Variants in FOXN3 observed in about 807,000 individuals in gnomAD.
The protein encoded by FOXN3 is forkhead box N3.
Under a neutral mutation model 38.4 loss-of-function variants are expected in FOXN3, and 7 were observed. The observed-to-expected ratio is 0.18, with a 90% CI of 0.10 to 0.34. FOXN3 has a LOEUF of 0.34. FOXN3 is among the 10% of genes least tolerant of loss of function. The pLI is 1.00. For synonymous variants in FOXN3, 230 were observed against 242.2 expected (o/e 0.95, Z 0.47); for missense variants, 456 against 613.4 (o/e 0.74, Z 2.71).
At position 89,199,219 on chromosome 14, in the gene FOXN3, C is replaced by T. The variant is rs1296226642; in HGVS notation, c.746-18413G>A. Among the ~76,000 whole-genome samples the T allele has an allele frequency of 2.0e-5, 3 of 152,130 alleles. No individual in the cohort carries two copies. The East Asian group carries it at 5.8e-4, about 29-fold the overall frequency. On this transcript the variant is annotated intron_variant, in intron 4 of 5. Transcript: ENST00000557258. ...GAAGTGGGAAACAGGAGACTGGATT[C>T]ACTGTGGACATGAACTGCAAACACC... is the stretch of plus-strand genomic sequence containing the variant.
chr14:89,511,185 CTTTCTTTTCTTTCTTTCTTTTCTTT>C (rs1894063527), intron 1 of FOXN3, among the ~76,000 whole-genome samples: 1 of 34,938 alleles, frequency 2.9e-5, no homozygotes, highest in Non-Finnish European at 7.1e-5. Flanking sequence ...TTCTTTCTTT[CTTTCTTTTCTTTCTTTCTTTTCTTT>C]CTTTCTTTCT....
At chr14:89,401,157 A>G (rs1026486465) in intron 2 of FOXN3, among the ~76,000 whole-genome samples, 6 of 152,206 alleles carry the variant, frequency 3.9e-5, no homozygotes, top group Non-Finnish European at 5.9e-5. Context: ...TTTGCAAACT[A>G]GGGGCCAGAC....
intron 1 of FOXN3, among the ~76,000 whole-genome samples, chr14:89,537,276 T>C (rs1894708105): frequency 6.6e-6 from 1 of 151,810 alleles, no homozygotes; most frequent in South Asian, 2.1e-4. Context: ...GATGAATAAG[T>C]GGATGGATGA....
At chr14:89,575,946 C>T (rs1196510694) in intron 1 of FOXN3, among the ~76,000 whole-genome samples, 1 of 152,212 alleles carries the variant, frequency 6.6e-6, no homozygotes, top group African/African-American at 2.4e-5. Context: ...ATAAACTCCT[C>T]GCTCTGAAGT....
chr14:89,307,625 C>T (rs967633928), intron 3 of FOXN3, among the ~76,000 whole-genome samples: 4 of 152,060 alleles, frequency 2.6e-5, no homozygotes, highest in East Asian at 1.9e-4. Context: ...CTCCATTTAC[C>T]GAGCCACAGT....
chr14:89,435,986 T>A (rs1892267675), intron 1 of FOXN3, among the ~76,000 whole-genome samples: 1 of 149,614 alleles, frequency 6.7e-6, no homozygotes, highest in Non-Finnish European at 1.5e-5. Context: ...CTCCCTCACA[T>A]CCTTCATCAC....
chr14:89,568,500 C>CAA (rs1895413663), intron 1 of FOXN3, among the ~76,000 whole-genome samples: 8 of 152,322 alleles, frequency 5.3e-5, no homozygotes, highest in African/African-American at 1.9e-4. Context: ...GCTCTGCCCT[C>CAA]AGCACGGAAG....
chr14:89,411,815 C>T (rs972492111), intron 2 of FOXN3, 119 bp downstream of exon 2: 1 of 592,152 alleles, frequency 1.7e-6, no homozygotes, highest in Admixed American at 3.8e-5. Flanking sequence ...ATTAAATAGA[C>T]TAAAACCCAC....
intron 1 of FOXN3, among the ~76,000 whole-genome samples, chr14:89,490,220 C>A (rs1181878657): frequency 6.6e-6 from 1 of 152,214 alleles, no homozygotes. Context: ...TCCTCAGCGA[C>A]GGCTAATGAA....
intron 2 of FOXN3, among the ~76,000 whole-genome samples, chr14:89,380,180 G>C (rs773487158): frequency 6.6e-6 from 1 of 152,218 alleles, no homozygotes; most frequent in Non-Finnish European, 1.5e-5. Flanking sequence ...TTCTGTGATA[G>C]TGAATATGTC....
At chr14:89,286,978 A>G (rs1367756194) in intron 3 of FOXN3, among the ~76,000 whole-genome samples, 1 of 152,128 alleles carries the variant, frequency 6.6e-6, no homozygotes, top group Non-Finnish European at 1.5e-5. Context: ...TGAAGTGGAG[A>G]GACCGTGGGA....
chr14:89,600,752 A>C (rs1383327583), intron 1 of FOXN3, among the ~76,000 whole-genome samples: 4 of 152,148 alleles, frequency 2.6e-5, no homozygotes, highest in Non-Finnish European at 5.9e-5. Context: ...CCTATATACT[A>C]TTAATGCCCT....
intron 1 of FOXN3, among the ~76,000 whole-genome samples, chr14:89,432,811 G>A (rs866775948): frequency 6.6e-4 from 101 of 152,186 alleles, no homozygotes; most frequent in African/African-American, 2.3e-3. Flanking sequence ...GCATTGGTTT[G>A]GTTTGAGTTT....
At chr14:89,253,947 C>T (rs1317576025) in intron 4 of FOXN3, among the ~76,000 whole-genome samples, 3 of 152,180 alleles carry the variant, frequency 2.0e-5, no homozygotes, top group African/African-American at 7.2e-5. Context: ...ATGGCCATGG[C>T]CCATCAAACC....
intron 4 of FOXN3, among the ~76,000 whole-genome samples, chr14:89,261,888 A>T (rs1244002095): frequency 6.6e-6 from 1 of 152,092 alleles, no homozygotes; most frequent in African/African-American, 2.4e-5. Context: ...AGATCATGTC[A>T]ACTGCACTCC....
chr14:89,481,334 A>G (rs1365832747), intron 1 of FOXN3, among the ~76,000 whole-genome samples: 1 of 152,148 alleles, frequency 6.6e-6, no homozygotes, highest in Admixed American at 6.5e-5. Context: ...AGGGGACCGG[A>G]CGGGAAGTCA....
rs189157299 is a variant in FOXN3, at chr14:89,389,780, T to G, written c.543+22154A>C. 6.2e-3 allele frequency among the ~76,000 whole-genome samples: 944 copies of G among 152,254 alleles called. 12 individuals are homozygous for G. The highest frequency in any genetic ancestry group is 0.02 in the African/African-American group (842 of 41,532). On this transcript the variant is annotated intron_variant, in intron 2 of 5. Coordinates refer to ENST00000557258, the MANE Select transcript of FOXN3 (RefSeq NM_005197.4). ...TATACGATCTTAGCAAATCCACCAG[T>G]CATCTCACAGAAATGACCCTACCGG... is the stretch of plus-strand genomic sequence containing the variant.
chr14:89,203,455 G>A (rs1441646788), intron 4 of FOXN3, among the ~76,000 whole-genome samples: 2 of 152,024 alleles, frequency 1.3e-5, no homozygotes, highest in Non-Finnish European at 2.9e-5. Context: ...AAGCCTCATA[G>A]TGCCCTGTGT....
intron 1 of FOXN3, among the ~76,000 whole-genome samples, chr14:89,489,117 A>G (rs1893517377): frequency 6.6e-6 from 1 of 152,184 alleles, no homozygotes; most frequent in African/African-American, 2.4e-5. Flanking sequence ...CAGAATTGGC[A>G]GTCTCTGCTT....
Sources: gnomAD v4.1 joint callset for allele counts (sites outside exome capture counted in the v4.1 genomes callset) on GRCh38, gnomAD v4.1.1 for gene constraint, MANE v1.5 for transcripts, NCBI Gene and HGNC (gene_info 2026-07-23, HGNC 2026-07-21) for gene names.